Variants in PCDH15 observed in about 807,000 individuals in gnomAD.
The protein encoded by PCDH15 is protocadherin related 15, also known as protocadherin-15.
A neutral mutation model predicts 178.5 loss-of-function variants in PCDH15; 129 were observed. The ratio of observed to expected loss-of-function variants is 0.72; its 90% CI spans 0.63 to 0.84. PCDH15 has a LOEUF of 0.84. Among genes scored for constraint, PCDH15 ranks in the 40% least tolerant of loss-of-function variants. PCDH15 has a pLI of 0.00. For missense variants in PCDH15, 2,230 were observed against 2,099.9 expected (o/e 1.06, Z -1.21); for synonymous variants, 800 against 732.0 (o/e 1.09, Z -1.50).
chr10:54,912,485 T>C (rs970112916), intron 2 of PCDH15, among the ~76,000 whole-genome samples: 2 of 152,240 alleles, frequency 1.3e-5, no homozygotes, highest in Non-Finnish European at 2.9e-5. Flanking sequence ...CTGCTTCCAC[T>C]TTTGCCTTCC....
intron 23 of PCDH15, among the ~76,000 whole-genome samples, chr10:53,947,969 CAT>C (rs1414641782): frequency 6.6e-6 from 1 of 152,168 alleles, no homozygotes; most frequent in African/African-American, 2.4e-5. Flanking sequence ...TCTAATCTCT[CAT>C]AGTCATTGGC....
rs973959372 is a variant in PCDH15, at chr10:53,810,716, A to C, written c.4563-52T>G. On this transcript the variant is annotated intron_variant, in intron 36 of 37. Coordinates refer to ENST00000644397, the MANE Select transcript of PCDH15 (RefSeq NM_001384140.1). ...CAGTTTGTCATGTGATTTCTGTAGA[A>C]TCTACCATGAGTGATCTGTTTCCTT... 4.1e-6 allele frequency: 6 copies of C among 1,471,542 alleles called. No individual in the cohort carries two copies. In the African/African-American group the frequency reaches 4.2e-5, roughly 10 times the overall value. The allele number at this position is 1,471,542 out of a possible 1,614,324, so 91.2% of individuals were successfully genotyped here.
At chr10:54,034,484 C>G (rs1375142931) in intron 18 of PCDH15, among the ~76,000 whole-genome samples, 1 of 151,840 alleles carries the variant, frequency 6.6e-6, no homozygotes, top group African/African-American at 2.4e-5. Flanking sequence ...GTTAGGTATT[C>G]ATTTTGCTGA....
intron 2 of PCDH15, among the ~76,000 whole-genome samples, chr10:55,369,010 C>CAAAAAA (rs60906060): frequency 1.2e-5 from 1 of 86,184 alleles, no homozygotes; most frequent in Non-Finnish European, 2.2e-5. Context: ...TTTTTGGGAC[C>CAAAAAA]AAAAAAAAAA....
chr10:54,423,233 G>A (rs913364434), intron 3 of PCDH15, among the ~76,000 whole-genome samples: 12 of 152,190 alleles, frequency 7.9e-5, no homozygotes, highest in Admixed American at 4.6e-4. Context: ...AGATCACTAG[G>A]AGATATTGCA....
chr10:53,865,040 G>A (rs1190091283), intron 27 of PCDH15, among the ~76,000 whole-genome samples: 1 of 151,990 alleles, frequency 6.6e-6, no homozygotes, highest in Non-Finnish European at 1.5e-5. Context: ...TTTTGAGGTT[G>A]CAATAAGCTT....
chr10:55,195,576 A>T (rs1384043078), intron 1 of PCDH15, among the ~76,000 whole-genome samples: 1 of 150,640 alleles, frequency 6.6e-6, no homozygotes, highest in Non-Finnish European at 1.5e-5. Context: ...AATTTCTTAA[A>T]CCCGGAAGGC....
At chr10:54,748,513 C>T (rs1039637301) in intron 1 of PCDH15, among the ~76,000 whole-genome samples, 1 of 151,920 alleles carries the variant, frequency 6.6e-6, no homozygotes, top group Non-Finnish European at 1.5e-5. Flanking sequence ...CTGTCCATAC[C>T]CCATGTGTCC....
chr10:54,504,356 C>T (rs76690245), intron 3 of PCDH15, among the ~76,000 whole-genome samples: 9,628 of 152,118 alleles, frequency 0.063, 331 homozygotes, highest in East Asian at 0.097. Flanking sequence ...TCCTCACAAC[C>T]CTGTTCAGGT....
intron 3 of PCDH15, among the ~76,000 whole-genome samples, chr10:54,492,597 T>C (rs1052682069): frequency 1.3e-5 from 2 of 152,150 alleles, no homozygotes; most frequent in African/African-American, 4.8e-5. Flanking sequence ...AAGTCATAAG[T>C]TTCAAATTGT....
rs372802968 is a variant in PCDH15, at chr10:55,132,498, T to A, written c.-80+34078A>T. Among the ~76,000 whole-genome samples the A allele has an allele frequency of 2.8e-4, 42 of 152,306 alleles. No homozygotes were observed. In the East Asian group the frequency reaches 6.6e-3, roughly 24 times the overall value. On this transcript the variant is annotated intron_variant, in intron 2 of 5. Transcript: ENST00000458638. ...CCCACTGATTAATGTGAGATAGCAC[T>A]AAAGTAAGTTCCTGCAAACTATTTA...
intron 2 of PCDH15, among the ~76,000 whole-genome samples, chr10:55,111,457 T>G (rs944784349): frequency 3.3e-5 from 5 of 152,184 alleles, no homozygotes; most frequent in African/African-American, 9.7e-5. Context: ...AATTGGTACT[T>G]CAATTGAAAA....
intron 18 of PCDH15, among the ~76,000 whole-genome samples, chr10:54,043,247 G>C (rs1261011283): frequency 6.6e-6 from 1 of 152,038 alleles, no homozygotes; most frequent in Non-Finnish European, 1.5e-5. Flanking sequence ...CTCAGAACCA[G>C]CAATATCAAT....
intron 2 of PCDH15, among the ~76,000 whole-genome samples, chr10:54,542,390 C>T (rs61853607): frequency 0.051 from 7,733 of 152,072 alleles, 250 homozygotes; most frequent in Non-Finnish European, 0.072. Flanking sequence ...TTTTTCATTG[C>T]CTTATTTTCT....
chr10:54,926,303 G>A (rs1837624513), intron 2 of PCDH15, among the ~76,000 whole-genome samples: 1 of 152,086 alleles, frequency 6.6e-6, no homozygotes, highest in African/African-American at 2.4e-5. Context: ...AAGCCTACTT[G>A]ATCATGGTGG....
chr10:54,531,481 T>C (rs2083919752), intron 2 of PCDH15, among the ~76,000 whole-genome samples: 1 of 152,176 alleles, frequency 6.6e-6, no homozygotes, highest in South Asian at 2.1e-4. Context: ...TGTGATACTC[T>C]GTTGTCATTG....
intron 2 of PCDH15, among the ~76,000 whole-genome samples, chr10:54,613,814 G>C (rs1054877700): frequency 1.6e-4 from 24 of 151,568 alleles, no homozygotes; most frequent in African/African-American, 5.6e-4. Flanking sequence ...TGATTATTGT[G>C]AACTATCCGG....
At chr10:55,239,755 T>C (rs184491164) in intron 1 of PCDH15, among the ~76,000 whole-genome samples, 13 of 152,110 alleles carry the variant, frequency 8.5e-5, no homozygotes, top group African/African-American at 3.1e-4. Flanking sequence ...AGACAACGCC[T>C]TAGAAAAGGA....
intron 2 of PCDH15, among the ~76,000 whole-genome samples, chr10:54,967,765 G>C (rs1003619525): frequency 6.6e-6 from 1 of 152,140 alleles, no homozygotes; most frequent in African/African-American, 2.4e-5. Context: ...TTTCCTTACA[G>C]TTCTGGAGTC....
Sources: allele counts gnomAD v4.1 joint callset (sites outside exome capture counted in the v4.1 genomes callset), GRCh38; gene constraint gnomAD v4.1.1; transcripts MANE v1.5; gene names NCBI Gene and HGNC (gene_info 2026-07-23, HGNC 2026-07-21).